Variants in FCRL1 observed in about 807,000 individuals in gnomAD.
FCRL1 encodes the protein Fc receptor like 1, also known as Fc receptor-like protein 1.
Under a neutral mutation model 49.2 loss-of-function variants are expected in FCRL1, and 34 were observed. That is an observed-to-expected ratio of 0.69 (90% CI 0.53 to 0.92). The LOEUF (loss-of-function observed/expected upper bound fraction) is 0.92. Ranked by LOEUF, FCRL1 falls within the 40% of genes least tolerant of loss-of-function variation. The pLI is 0.00. For missense variants in FCRL1, 524 were observed against 524.1 expected (o/e 1.00, Z 0.00); for synonymous variants, 218 against 201.6 (o/e 1.08, Z -0.69).
intron 1 of FCRL1, among the ~76,000 whole-genome samples, chr1:157,817,943 A>G (rs1446445979): frequency 6.6e-6 from 1 of 152,206 alleles, no homozygotes; most frequent in Non-Finnish European, 1.5e-5. Context: ...TGCAAATCAA[A>G]ACCACAATGA....
intron 2 of FCRL1, among the ~76,000 whole-genome samples, chr1:157,804,482 T>G (rs1653079907): frequency 1.3e-5 from 2 of 152,362 alleles, no homozygotes; most frequent in South Asian, 4.1e-4. Context: ...GCTTGAAGTT[T>G]TATTCAAAGT....
chr1:157,801,812 C>A, intron 5 of FCRL1, 103 bp downstream of exon 5: 1 of 1,401,662 alleles, frequency 7.1e-7, no homozygotes, highest in Admixed American at 2.1e-5. Flanking sequence ...AGAGGCCCCA[C>A]CATGGGTAGC....
In FCRL1 at chr1:157,795,119, T is replaced by G. The variant is rs1210380238; in HGVS notation, c.*980A>C. The G allele has an allele frequency of 6.6e-6, 1 of 152,196 alleles. No individual in the cohort carries two copies. The highest frequency in any genetic ancestry group is 1.5e-5 in the Non-Finnish European group (1 of 68,038). 9.4% of individuals were successfully genotyped at this position (152,196 alleles called of 1,614,324 possible). ...TTCATAAGAGTGAGTGCCTGGTTAT[T>G]TTAAAATTCAATACATTGCTTGAGC... On this transcript the variant is annotated 3_prime_UTR_variant, in exon 11 of 11. Transcript: ENST00000368176.
intron 5 of FCRL1, 59 bp from the exon 6 acceptor site, chr1:157,801,636 A>C: frequency 8.0e-7 from 1 of 1,248,702 alleles, no homozygotes; most frequent in Non-Finnish European, 1.2e-6. Context: ...CTTAGAGAGC[A>C]GACATCTTGG....
In FCRL1 at chr1:157,802,178, G is replaced by T. The variant is rs1254699138; in HGVS notation, c.623C>A (p.Pro208Gln). The T allele has an allele frequency of 6.2e-7, 1 of 1,613,632 alleles. No homozygotes were observed. Among genetic ancestry groups the T allele is most frequent in the Non-Finnish European group, 8.5e-7 (1 of 1,179,730 alleles). ...CCTGGGAGCCCTGAGCATGAGGATTGGGCGAGACACCGGGACTGAGGGAGA... is the reference window on the plus strand; with the variant it reads ...CCTGGGAGCCCTGAGCATGAGGATTTGGCGAGACACCGGGACTGAGGGAGA... ...SITVRIPVSRPILMLRAPRAQ... is the reference protein window; with the variant it reads ...SITVRIPVSRQILMLRAPRAQ... The change falls in exon 5 of 11, where the codon CCA becomes CAA. Residue 208 changes from proline (P) to glutamine (Q), a missense_variant. Physicochemically the swap from Pro to Gln is moderately conservative, Grantham distance 76. Transcript: ENST00000368176.
chr1:157,801,243 C>T (rs914199265), intron 6 of FCRL1, among the ~76,000 whole-genome samples: 14 of 152,268 alleles, frequency 9.2e-5, no homozygotes, highest in South Asian at 6.2e-4. Context: ...AAATATCACT[C>T]GAACCTCAAC....
intron 2 of FCRL1, 144 bp downstream of exon 2, chr1:157,806,958 G>A: frequency 1.3e-6 from 1 of 795,650 alleles, no homozygotes; most frequent in South Asian, 1.8e-5. Context: ...GGGAGCCACT[G>A]ATGTTTGTAC....
chr1:157,814,310 T>C (rs766673341), intron 1 of FCRL1, among the ~76,000 whole-genome samples: 8 of 152,136 alleles, frequency 5.3e-5, no homozygotes, highest in Non-Finnish European at 8.8e-5. Flanking sequence ...ATACAAAATA[T>C]GTAACATAAG....
Position 157,820,070 on chromosome 1 carries a change from C to A in FCRL1, c.-33G>T, listed in dbSNP as rs1487724775. On this transcript the variant is annotated 5_prime_UTR_variant, in exon 1 of 11. Coordinates refer to ENST00000368176, the MANE Select transcript of FCRL1 (RefSeq NM_052938.5). ...AGGTCAGGGATGGTACCTAGAGATG[C>A]CTCTCATCAAAAAAAGAATGCACCT... The A allele has an allele frequency of 1.2e-6, 2 of 1,613,644 alleles. No homozygotes were observed. Among genetic ancestry groups the A allele is most frequent in the South Asian group, 2.2e-5 (2 of 91,056 alleles).
In FCRL1 at chr1:157,820,085, A is replaced by C. The variant is rs781209367; in HGVS notation, c.-48T>G. 1 of 1,608,644 alleles carries C rather than the reference A, an allele frequency of 6.2e-7. No homozygotes were observed. Among genetic ancestry groups the C allele is most frequent in the Non-Finnish European group, 8.5e-7 (1 of 1,175,070 alleles). On this transcript the variant is annotated 5_prime_UTR_variant, in exon 1 of 11. Transcript: ENST00000368176. ...CCTAGAGATGCCTCTCATCAAAAAA[A>C]GAATGCACCTCAGAGTCGAGCAGCA...
intron 2 of FCRL1, among the ~76,000 whole-genome samples, chr1:157,806,320 C>T (rs940209728): frequency 7.2e-5 from 11 of 152,350 alleles, no homozygotes; most frequent in African/African-American, 2.4e-4. Context: ...GTGTTCCCTA[C>T]TTGCACTTGC....
intron 6 of FCRL1, 90 bp downstream of exon 6, chr1:157,801,371 A>C: frequency 1.2e-6 from 1 of 849,372 alleles, no homozygotes; most frequent in South Asian, 1.5e-5. Context: ...CAGCATATAC[A>C]TCTTTTGCAG....
intron 6 of FCRL1, 146 bp from the exon 7 acceptor site, chr1:157,800,231 G>T: frequency 1.7e-6 from 1 of 576,150 alleles, no homozygotes; most frequent in Non-Finnish European, 3.0e-6. Flanking sequence ...AGACATCCTG[G>T]CAATCATTTA....
chr1:157,798,818 CCTGT>C (rs1261478448), intron 7 of FCRL1, among the ~76,000 whole-genome samples: 18 of 152,152 alleles, frequency 1.2e-4, no homozygotes, highest in African/African-American at 3.9e-4. Context: ...TATGTTCATT[CCTGT>C]CTGTCTTACA....
intron 7 of FCRL1, 148 bp downstream of exon 7, chr1:157,799,910 T>A (rs1161729480): frequency 2.2e-6 from 1 of 456,560 alleles, no homozygotes; most frequent in African/African-American, 2.0e-5. Flanking sequence ...GACAATGAAT[T>A]GTTCAAAGTT....
intron 5 of FCRL1, 152 bp from the exon 6 acceptor site, chr1:157,801,729 C>T (rs1652508288): frequency 2.3e-6 from 2 of 855,208 alleles, no homozygotes; most frequent in Non-Finnish European, 1.8e-6. Context: ...ATCTTTATGA[C>T]AAGAGAAGAG....
At chr1:157,804,662 A>G (rs1653110798) in intron 2 of FCRL1, among the ~76,000 whole-genome samples, 1 of 151,790 alleles carries the variant, frequency 6.6e-6, no homozygotes, top group African/African-American at 2.4e-5. Flanking sequence ...CTCATTGCTG[A>G]CTCTGTCCTC....
intron 1 of FCRL1, among the ~76,000 whole-genome samples, chr1:157,811,304 A>G (rs1225334179): frequency 4.6e-5 from 7 of 152,202 alleles, no homozygotes. Flanking sequence ...CAGCAGGGGA[A>G]TGGCAGAAAT....
At chr1:157,798,877 A>T (rs1451914795) in intron 7 of FCRL1, among the ~76,000 whole-genome samples, 1 of 152,194 alleles carries the variant, frequency 6.6e-6, no homozygotes, top group African/African-American at 2.4e-5. Context: ...AATACTTTAA[A>T]ACTCTCAAGA....
Sources: gnomAD v4.1 joint callset for allele counts (sites outside exome capture counted in the v4.1 genomes callset) on GRCh38, gnomAD v4.1.1 for gene constraint, MANE v1.5 for transcripts, NCBI Gene and HGNC (gene_info 2026-07-23, HGNC 2026-07-21) for gene names.